Variants in LPIN1 observed in about 807,000 individuals in gnomAD.
LPIN1 encodes lipin 1.
In LPIN1, 71 loss-of-function variants were observed where a neutral mutation model predicts 107.5. The observed-to-expected ratio is 0.66, with a 90% CI of 0.55 to 0.80. The LOEUF is 0.80. Ranked by LOEUF, LPIN1 falls within the 30% of genes least tolerant of loss-of-function variation. The pLI is 0.00. For missense variants in LPIN1, 1,043 were observed against 1,160.6 expected (o/e 0.90, Z 1.47); for synonymous variants, 445 against 452.6 (o/e 0.98, Z 0.21).
At chr2:11,689,359 T>G (rs187111626) in intron 1 of LPIN1, among the ~76,000 whole-genome samples, 89 of 152,352 alleles carry the variant, frequency 5.8e-4, no homozygotes, top group Non-Finnish European at 1.1e-3. Flanking sequence ...CTTTTGAGGC[T>G]TAGTATATTT....
upstream of LPIN1, among the ~76,000 whole-genome samples, chr2:11,744,187 T>C (rs565710507): frequency 7.6e-4 from 116 of 152,372 alleles, 1 homozygote; most frequent in Non-Finnish European, 1.4e-3. Flanking sequence ...TACTCATCCC[T>C]GGAGTTCCTT....
At chr2:11,814,546 GT>G (rs1558297817) in intron 17 of LPIN1, among the ~76,000 whole-genome samples, 5 of 151,790 alleles carry the variant, frequency 3.3e-5, no homozygotes, top group Non-Finnish European at 7.4e-5. Context: ...GTGTGTGTGT[GT>G]GTGGTTGTTT....
At position 11,774,713 on chromosome 2, in the gene LPIN1, C is replaced by G. The variant is rs1428682314; in HGVS notation, c.722+968C>G. 1.3e-5 allele frequency among the ~76,000 whole-genome samples: 2 copies of G among 152,062 alleles called. No individual in the cohort carries two copies. The highest frequency in any genetic ancestry group is 2.9e-5 in the Non-Finnish European group (2 of 68,006). On this transcript the variant is annotated intron_variant, in intron 5 of 20. Transcript: ENST00000674199. The surrounding 1 kb of genome is among the most constrained non-coding windows in gnomAD (Gnocchi z 4.4). ...CCTGGTTCCAGTTTGATCAGGGTAA[C>G]CTTGTGAATTAGCAAGCAGCAGTCC...
intron 1 of LPIN1, chr2:11,682,102 G>C (rs185002932): frequency 3.1e-4 from 47 of 152,584 alleles, no homozygotes; most frequent in African/African-American, 1.1e-3. Context: ...GATGGAAACA[G>C]AGAAGAAAGC....
At chr2:11,788,207 A>G (rs1572835429) in intron 11 of LPIN1, among the ~76,000 whole-genome samples, 180 bp from the exon 12 acceptor site, 1 of 151,778 alleles carries the variant, frequency 6.6e-6, no homozygotes, top group Admixed American at 6.6e-5. Flanking sequence ...CGCTGGGGTG[A>G]GGTGGGGGGA....
chr2:11,735,175 C>G (rs1408779560), intron 1 of LPIN1, among the ~76,000 whole-genome samples: 1 of 151,934 alleles, frequency 6.6e-6, no homozygotes, highest in Non-Finnish European at 1.5e-5. Context: ...GACTGTAATC[C>G]CAGCTACTTG....
intron 14 of LPIN1, among the ~76,000 whole-genome samples, chr2:11,802,318 G>T (rs1558266450): frequency 6.6e-6 from 1 of 152,158 alleles, no homozygotes. Context: ...AGAGTTAGGG[G>T]CACTGACCTG....
At chr2:11,690,270 A>C (rs1399742941) in intron 1 of LPIN1, among the ~76,000 whole-genome samples, 2 of 152,150 alleles carry the variant, frequency 1.3e-5, no homozygotes, top group African/African-American at 4.8e-5. Context: ...TTATCTGAAA[A>C]TGTATTTTTT....
intron 13 of LPIN1, among the ~76,000 whole-genome samples, chr2:11,795,065 A>G (rs1676423490): frequency 6.6e-6 from 1 of 152,248 alleles, no homozygotes; most frequent in Non-Finnish European, 1.5e-5. Context: ...ACAAGAAAAT[A>G]TTTTGAAAGG....
Position 11,771,655 on chromosome 2 carries a change from C to T in LPIN1, c.572C>T (p.Ala191Val). The change falls in exon 4 of 21, where the codon GCC (alanine) becomes GTC (valine). Residue 191 changes from alanine (A) to valine (V), a missense_variant. Ala to Val is a moderately conservative substitution (Grantham distance 64). Transcript: ENST00000674199. This position sits in a 1 kb window ranked among gnomAD's most constrained non-coding sequence, Gnocchi z 4.8. ...CCCATCGAGATGAGCTCGGATGAGG[C>T]CATGGAGCTGCTGGAGAGCAGCAGG... ...MFPIEMSSDE[A>V]MELLESSRTL... The T allele has an allele frequency of 6.3e-7, 1 of 1,595,880 alleles. No homozygotes were observed. Among genetic ancestry groups the T allele is most frequent in the African/African-American group, 1.3e-5 (1 of 74,938 alleles).
intron 1 of LPIN1, among the ~76,000 whole-genome samples, chr2:11,706,272 T>G (rs995665948): frequency 1.3e-5 from 2 of 152,212 alleles, no homozygotes; most frequent in African/African-American, 4.8e-5. Context: ...GCGAGTGAAC[T>G]GCAGGGTGGT....
chr2:11,704,695 C>A (rs1166621709), intron 1 of LPIN1, among the ~76,000 whole-genome samples: 1 of 152,144 alleles, frequency 6.6e-6, no homozygotes. Context: ...GACAATGAGG[C>A]CAAGACAAGG....
Position 11,803,184 on chromosome 2 carries a change from AC to A in LPIN1, c.2013+155del. On this transcript the variant is annotated intron_variant, in intron 15 of 20. Transcript: ENST00000674199. The surrounding 1 kb of genome is among the most constrained non-coding windows in gnomAD (Gnocchi z 4.2). ...CCTCAACTGGGTACCCGCTGTTTCC[AC>A]CCCAACTCCAGCACTATCCAGGCTG... 9.5e-7 allele frequency: 1 copy of A among 1,054,250 alleles called. No individual in the cohort carries two copies. Among genetic ancestry groups the A allele is most frequent in the East Asian group, 2.4e-5 (1 of 41,158 alleles). 65.3% of individuals were successfully genotyped at this position (1,054,250 alleles called of 1,614,324 possible).
chr2:11,824,729 A>G lies in LPIN1; in HGVS notation c.2719A>G (p.Thr907Ala). 2 of 1,614,098 alleles carry G rather than the reference A, an allele frequency of 1.2e-6. No homozygotes were observed. The highest frequency in any genetic ancestry group is 1.7e-6 in the Non-Finnish European group (2 of 1,180,026). The change falls in exon 21 of 21, where the codon ACC (threonine) becomes GCC (alanine). Residue 907 changes from threonine to alanine, a missense_variant. Thr to Ala is a moderately conservative substitution (Grantham distance 58). Coordinates refer to ENST00000674199, the MANE Select transcript of LPIN1 (RefSeq NM_001349206.2). ...FPCSDTFSNF[T>A]FWREPLPPFE... ...CTGTTCGGATACCTTCAGTAACTTC[A>G]CCTTTTGGAGAGAGCCACTGCCACC...
Position 11,776,678 on chromosome 2 carries a change from C to T in LPIN1, c.830+485C>T, listed in dbSNP as rs149774319. The stretch of plus-strand genomic sequence containing the variant: ...GCTGTCTGAATAATGGAGTCAGACA[C>T]TTTCCACAGCATTTCTAGAACAGAA... On this transcript the variant is annotated intron_variant, in intron 6 of 20. Transcript: ENST00000674199. Among the ~76,000 whole-genome samples the T allele has an allele frequency of 5.8e-3, 890 of 152,276 alleles. 13 individuals are homozygous for T. The highest frequency in any genetic ancestry group is 0.021 in the African/African-American group (859 of 41,546).
At chr2:11,810,635 C>T (rs1290764120) in intron 17 of LPIN1, among the ~76,000 whole-genome samples, 1 of 152,152 alleles carries the variant, frequency 6.6e-6, no homozygotes, top group Non-Finnish European at 1.5e-5. Flanking sequence ...CAGTGGCTCT[C>T]AACTGACGGA....
chr2:11,780,519 C>A (rs1673408695), intron 7 of LPIN1, among the ~76,000 whole-genome samples: 1 of 152,182 alleles, frequency 6.6e-6, no homozygotes, highest in South Asian at 2.1e-4. Context: ...GGTTTTGATT[C>A]ATCAAGTAGT....
chr2:11,791,721 G>A, intron 12 of LPIN1, 193 bp from the exon 13 acceptor site: 1 of 1,439,822 alleles, frequency 6.9e-7, no homozygotes, highest in South Asian at 1.2e-5. Context: ...TCATGCTTAA[G>A]TTACCTTCAT....
In LPIN1 at chr2:11,782,236, A is replaced by G. The variant is rs1673688605; in HGVS notation, c.993A>G (p.Pro331=). The change falls in exon 8 of 21, where the codon CCA becomes CCG. Residue 331 remains proline, a synonymous_variant. Coordinates refer to ENST00000674199, the MANE Select transcript of LPIN1 (RefSeq NM_001349206.2). ...SSPHKMKESS[P]LSSRKICDKS... ...CACACAAGATGAAAGAGTCCAGCCC[A>G]TTGAGCAGTAGAAAAATTTGTGATA... is the stretch of plus-strand genomic sequence containing the variant. 2 of 1,614,136 alleles carry G rather than the reference A, an allele frequency of 1.2e-6. No homozygotes were observed. The highest frequency in any genetic ancestry group is 1.7e-6 in the Non-Finnish European group (2 of 1,179,992).
Sources: allele counts gnomAD v4.1 joint callset (sites outside exome capture counted in the v4.1 genomes callset), GRCh38; gene constraint gnomAD v4.1.1; non-coding constraint Gnocchi (gnomAD v3.1); transcripts MANE v1.5; gene names NCBI Gene and HGNC (gene_info 2026-07-23, HGNC 2026-07-21).